PROM1: variants seen among roughly 807,000 people sequenced by gnomAD.
PROM1 encodes prominin-1.
A neutral mutation model predicts 116.9 loss-of-function variants in PROM1; 105 were observed. The observed-to-expected ratio is 0.90, with a 90% CI of 0.77 to 1.06. The LOEUF (loss-of-function observed/expected upper bound fraction) is 1.06. Among genes scored for constraint, PROM1 ranks in the 50% least tolerant of loss-of-function variants. PROM1 has a pLI of 0.00. For missense variants in PROM1, 1,122 were observed against 1,045.2 expected, an observed-to-expected ratio of 1.07 and a Z score of -1.01; for synonymous variants, 393 against 387.0, an observed-to-expected ratio of 1.02 and a Z score of -0.18.
At chr4:16,049,717 TTATATA>T (rs1183173614) in intron 2 of PROM1, among the ~76,000 whole-genome samples, 1 of 150,366 alleles carries the variant, frequency 6.7e-6, no homozygotes. Context: ...CTCCTTAAAT[TTATATA>T]TATATATAAG....
Position 16,000,488 on chromosome 4 carries a change from A to G in PROM1, c.1578+8T>C. 6.4e-7 allele frequency: 1 copy of G among 1,574,204 alleles called. No individual in the cohort carries two copies. The highest frequency in any genetic ancestry group is 8.7e-7 in the Non-Finnish European group (1 of 1,150,118). On this transcript the variant is annotated splice_region_variant and intron_variant, in intron 14 of 27. Transcript: ENST00000447510. ...GTCCTTTCATAATGGGTAGAAAATC[A>G]TATTTACCCGGAATAATTCCTTGCT...
intron 23 of PROM1, among the ~76,000 whole-genome samples, chr4:15,981,007 G>T (rs28406363): frequency 0.032 from 4,734 of 148,442 alleles, 233 homozygotes; most frequent in African/African-American, 0.11. Context: ...TGTCGCCCAG[G>T]CTAGAGTGCA....
rs746672684 is a variant in PROM1, at chr4:16,013,289, G to A, written c.1127C>T (p.Thr376Met). 7 of 1,608,088 alleles carry A rather than the reference G, an allele frequency of 4.4e-6. No homozygotes were observed. Among genetic ancestry groups the A allele is most frequent in the Admixed American group, 1.7e-5 (1 of 60,004 alleles). Residue 376 changes from threonine to methionine, a missense_variant, in exon 11 of 28, where the codon ACG becomes ATG. Coordinates refer to ENST00000447510, the MANE Select transcript of PROM1 (RefSeq NM_006017.3). ...DIPDRVQRQT[T>M]TVVAGIKRVL... ...GTGAATCTCACCTGCTACGACAGTC[G>A]TGGTTTGGCGTTGTACTCTGTCAGG...
chr4:16,022,478 C>T (rs765064347), intron 8 of PROM1, among the ~76,000 whole-genome samples: 14 of 152,182 alleles, frequency 9.2e-5, no homozygotes, highest in Admixed American at 7.2e-4. Flanking sequence ...CTGTTCTGCA[C>T]GTCCTCCAGT....
intron 2 of PROM1, among the ~76,000 whole-genome samples, chr4:16,056,639 GAAAC>G (rs1012492859): frequency 2.8e-5 from 4 of 144,652 alleles, no homozygotes; most frequent in African/African-American, 1.0e-4. Context: ...AGGCTGGAAA[GAAAC>G]AAGCCATGAA....
intron 26 of PROM1, among the ~76,000 whole-genome samples, chr4:15,978,668 A>G (rs1409775748): frequency 6.6e-6 from 1 of 152,188 alleles, no homozygotes; most frequent in Non-Finnish European, 1.5e-5. Flanking sequence ...TCGGGGGAGC[A>G]CTGGCGGGCC....
chr4:15,995,483 A>G (rs1206079008), intron 15 of PROM1, among the ~76,000 whole-genome samples: 1 of 152,232 alleles, frequency 6.6e-6, no homozygotes, highest in African/African-American at 2.4e-5. Context: ...AGTAACATTT[A>G]TAAGTTCATT....
chr4:16,019,338 T>TCC (rs975183235), intron 8 of PROM1, among the ~76,000 whole-genome samples: 1 of 152,244 alleles, frequency 6.6e-6, no homozygotes, highest in African/African-American at 2.4e-5. Context: ...TTTTGAACTT[T>TCC]CCCAGGCTAG....
intron 10 of PROM1, among the ~76,000 whole-genome samples, chr4:16,015,165 G>C (rs1727993558): frequency 2.0e-5 from 3 of 151,744 alleles, no homozygotes; most frequent in Non-Finnish European, 2.9e-5. Flanking sequence ...GGCCAACATG[G>C]CAAAACCCCA....
intron 24 of PROM1, among the ~76,000 whole-genome samples, 181 bp from the exon 25 acceptor site, chr4:15,980,085 A>C (rs1717374587): frequency 6.6e-6 from 1 of 152,142 alleles, no homozygotes; most frequent in South Asian, 2.1e-4. Context: ...ACACAGAATG[A>C]GGGGCAGACT....
At chr4:16,080,537 G>C (rs992246394) in intron 1 of PROM1, 1 of 152,084 alleles carries the variant, frequency 6.6e-6, no homozygotes, top group Non-Finnish European at 1.5e-5. Context: ...AATTAAAAAT[G>C]AAAAAGCAAA....
rs371791967 is a variant in PROM1 at position 16,056,026 on chromosome 4, G to C, written c.221-17025C>G. ...TAAGGTCTCTAGCTGGCAGAGGAGA[G>C]TTCAGGGTAGAGATTTGAGAAGAGA... is the stretch of plus-strand genomic sequence containing the variant. On this transcript the variant is annotated intron_variant, in intron 2 of 27. Coordinates refer to ENST00000447510, the MANE Select transcript of PROM1 (RefSeq NM_006017.3). Among the ~76,000 whole-genome samples the C allele has an allele frequency of 1.7e-3, 259 of 152,234 alleles. 1 individual carries two copies. The highest frequency in any genetic ancestry group is 3.4e-3 in the Middle Eastern group (1 of 294).
At chr4:16,061,065 T>C (rs1740199409) in intron 2 of PROM1, among the ~76,000 whole-genome samples, 1 of 152,198 alleles carries the variant, frequency 6.6e-6, no homozygotes. Flanking sequence ...GGGACTCCTG[T>C]TGGCTTAAGT....
At chr4:16,077,650 G>A (rs1744242899) in intron 1 of PROM1, among the ~76,000 whole-genome samples, 1 of 152,008 alleles carries the variant, frequency 6.6e-6, no homozygotes, top group South Asian at 2.1e-4. Context: ...ATGCGGCCAA[G>A]AGTCAAACCC....
intron 17 of PROM1, among the ~76,000 whole-genome samples, chr4:15,992,028 GGGGTTTGCTTTA>G (rs1035013820): frequency 6.6e-6 from 1 of 151,824 alleles, no homozygotes; most frequent in African/African-American, 2.4e-5. Context: ...CAACTGCTTT[GGGGTTTGCTTTA>G]GGGTGATGAA....
At chr4:15,991,074 G>A (rs1008832243) in intron 18 of PROM1, 148 bp downstream of exon 18, 23 of 652,370 alleles carry the variant, frequency 3.5e-5, no homozygotes, top group Non-Finnish European at 4.6e-5. Flanking sequence ...GGCTGTGGAC[G>A]GAAACGTAAT....
chr4:16,076,475 C>T (rs1014735365), intron 1 of PROM1: 2 of 152,636 alleles, frequency 1.3e-5, no homozygotes, highest in Non-Finnish European at 2.9e-5. Flanking sequence ...AAACAAGGTC[C>T]TCCTTGTTTA....
At chr4:15,978,041 T>A (rs1287187470) in intron 26 of PROM1, among the ~76,000 whole-genome samples, 1 of 152,162 alleles carries the variant, frequency 6.6e-6, no homozygotes, top group African/African-American at 2.4e-5. Flanking sequence ...ATTAACGCCC[T>A]TAGAGAATAG....
At position 16,025,326 on chromosome 4, in the gene PROM1, CAG is replaced by C. The variant is rs755034704; in HGVS notation, c.510-16_510-15del. Reference sequence around the variant, plus strand: ...AAGATGCCAATGCTGCAGGAAAAGGCAGAGAGAAGAAAGAGCATTTACTGTGT... The same window carrying C: ...AAGATGCCAATGCTGCAGGAAAAGGCAGAGAAGAAAGAGCATTTACTGTGT... On this transcript the variant is annotated splice_polypyrimidine_tract_variant and intron_variant, in intron 5 of 27. Coordinates refer to ENST00000447510, the MANE Select transcript of PROM1 (RefSeq NM_006017.3). The C allele has an allele frequency of 4.3e-6, 7 of 1,613,028 alleles. No individual in the cohort carries two copies. In the African/African-American group the frequency reaches 9.3e-5, roughly 22 times the overall value.
Sources: gnomAD v4.1 joint callset for allele counts (sites outside exome capture counted in the v4.1 genomes callset) on GRCh38, gnomAD v4.1.1 for gene constraint, MANE v1.5 for transcripts, NCBI Gene and HGNC (gene_info 2026-07-23, HGNC 2026-07-21) for gene names.